PRPSAP1: variants seen among roughly 807,000 people sequenced by gnomAD.
The protein encoded by PRPSAP1 is phosphoribosyl pyrophosphate synthase-associated protein 1.
PRPSAP1 carries 31 observed loss-of-function variants against 39.4 expected under a neutral mutation model. The observed-to-expected ratio is 0.79, with a 90% confidence interval of 0.59 to 1.06. PRPSAP1 has a LOEUF of 1.06. PRPSAP1 is among the 50% of genes least tolerant of loss of function. The pLI is 0.00. For synonymous variants in PRPSAP1, 212 were observed against 192.6 expected (o/e 1.10, Z -0.83); for missense variants, 430 against 511.6 (o/e 0.84, Z 1.54).
At chr17:76,334,843 T>C (rs963733975) in intron 3 of PRPSAP1, among the ~76,000 whole-genome samples, 3 of 152,312 alleles carry the variant, frequency 2.0e-5, no homozygotes, top group African/African-American at 4.8e-5. Context: ...TAATCTTTGG[T>C]AGAATCAAAG....
chr17:76,316,191 A>AAT, intron 7 of PRPSAP1, among the ~76,000 whole-genome samples: 1 of 128,908 alleles, frequency 7.8e-6, no homozygotes, highest in African/African-American at 3.8e-5. Context: ...AAAAAAAAAA[A>AAT]GAAAAAAAAA....
At chr17:76,344,798 A>G (rs2071478235) in intron 2 of PRPSAP1, 61 bp from the exon 3 acceptor site, 1 of 1,356,924 alleles carries the variant, frequency 7.4e-7, no homozygotes, top group South Asian at 1.2e-5. Flanking sequence ...AGGAGAAAAA[A>G]GAAAAACAAA....
At chr17:76,346,566 C>T (rs912487435) in intron 2 of PRPSAP1, among the ~76,000 whole-genome samples, 2 of 152,174 alleles carry the variant, frequency 1.3e-5, no homozygotes, top group African/African-American at 2.4e-5. Flanking sequence ...ACTGAGATGG[C>T]GCCCCTCAAA....
At chr17:76,311,900 G>C (rs1228716432) in intron 9 of PRPSAP1, among the ~76,000 whole-genome samples, 200 bp from the exon 10 acceptor site, 1 of 152,060 alleles carries the variant, frequency 6.6e-6, no homozygotes, top group Non-Finnish European at 1.5e-5. Context: ...CAGAACACAA[G>C]ACAAAAATCT....
chr17:76,348,392 G>A, intron 2 of PRPSAP1, 137 bp downstream of exon 2: 1 of 351,128 alleles, frequency 2.8e-6, no homozygotes, highest in Non-Finnish European at 4.8e-6. Context: ...AGAATTGCTT[G>A]AACCTGGGAG....
Position 76,311,230 on chromosome 17 carries a change from T to C in PRPSAP1, c.*312A>G. The C allele has an allele frequency of 4.9e-6, 1 of 205,212 alleles. No homozygotes were observed. Among genetic ancestry groups the C allele is most frequent in the Admixed American group, 5.8e-5 (1 of 17,286 alleles). 12.7% of individuals were successfully genotyped at this position (205,212 alleles called of 1,614,324 possible). A position where few individuals can be genotyped will look rare whatever the true frequency, so the allele number is the denominator to read the frequency against. ...AACAACTAAATGAACATTATAGAGTTAAGACTTTATGTGCCTTTAACTCCT... is the reference window on the plus strand; with the variant it reads ...AACAACTAAATGAACATTATAGAGTCAAGACTTTATGTGCCTTTAACTCCT... On this transcript the variant is annotated 3_prime_UTR_variant, in exon 10 of 10. Transcript: ENST00000446526.
At chr17:76,336,351 T>C (rs1294835110) in intron 3 of PRPSAP1, among the ~76,000 whole-genome samples, 1 of 151,540 alleles carries the variant, frequency 6.6e-6, no homozygotes, top group Non-Finnish European at 1.5e-5. Context: ...GGCAGAAGAA[T>C]TGCTTGAACC....
chr17:76,351,367 T>C (rs1429143070), intron 1 of PRPSAP1, among the ~76,000 whole-genome samples: 4 of 152,052 alleles, frequency 2.6e-5, no homozygotes, highest in Non-Finnish European at 4.4e-5. Flanking sequence ...TACAAAAAAT[T>C]AGCTGTGCGA....
intron 4 of PRPSAP1, 119 bp downstream of exon 4, chr17:76,332,144 G>T: frequency 1.6e-6 from 2 of 1,286,568 alleles, no homozygotes; most frequent in South Asian, 1.4e-5. Context: ...AGCCAAAACT[G>T]TTCAAAAGGA....
chr17:76,334,303 G>A (rs956360353), intron 3 of PRPSAP1, among the ~76,000 whole-genome samples: 3 of 152,202 alleles, frequency 2.0e-5, no homozygotes, highest in Non-Finnish European at 4.4e-5. Context: ...ACACTGACAC[G>A]TAGGTGATGC....
chr17:76,325,992 A>T (rs76682096), intron 7 of PRPSAP1, among the ~76,000 whole-genome samples: 1,771 of 152,308 alleles, frequency 0.012, 37 homozygotes, highest in African/African-American at 0.04. Context: ...AGCATTTAAC[A>T]GACTACAGTA....
chr17:76,347,696 A>G (rs2143548652), intron 2 of PRPSAP1, among the ~76,000 whole-genome samples: 1 of 152,064 alleles, frequency 6.6e-6, no homozygotes, highest in East Asian at 1.9e-4. Context: ...TTTTAAAAAG[A>G]CTGCTGGCTA....
In PRPSAP1 at chr17:76,311,361, T is replaced by C; in HGVS notation, c.*181A>G. The C allele has an allele frequency of 3.4e-6, 2 of 586,368 alleles. No individual in the cohort carries two copies. The highest frequency in any genetic ancestry group is 5.7e-6 in the Non-Finnish European group (2 of 351,192). The allele number at this position is 586,368 out of a possible 1,614,324, so 36.3% of individuals were successfully genotyped here. ...ATGTAAGGCCATGTTATGATATTTA[T>C]CCATTAGCTCTGTCTTCTTCCTGAC... On this transcript the variant is annotated 3_prime_UTR_variant, in exon 10 of 10. Transcript: ENST00000446526.
intron 4 of PRPSAP1, 67 bp downstream of exon 4, chr17:76,332,196 C>A: frequency 6.4e-7 from 1 of 1,552,934 alleles, no homozygotes; most frequent in South Asian, 1.2e-5. Context: ...GAGGTATGAG[C>A]TAAGTCCAAC....
At chr17:76,344,286 C>T (rs902553733) in intron 3 of PRPSAP1, among the ~76,000 whole-genome samples, 7 of 152,212 alleles carry the variant, frequency 4.6e-5, no homozygotes, top group African/African-American at 1.7e-4. Context: ...CGCCACCACG[C>T]CCGGCTAATT....
chr17:76,319,432 G>A (rs1484692070), intron 7 of PRPSAP1: 4 of 152,066 alleles, frequency 2.6e-5, no homozygotes, highest in Non-Finnish European at 5.9e-5. Context: ...TCACTAAAAA[G>A]TTGGCATACA....
At chr17:76,316,266 G>A (rs73354381) in intron 7 of PRPSAP1, among the ~76,000 whole-genome samples, 1,933 of 151,666 alleles carry the variant, frequency 0.013, 50 homozygotes, top group African/African-American at 0.045. Context: ...AGTTTGATGC[G>A]GAAAACATCA....
intron 7 of PRPSAP1, among the ~76,000 whole-genome samples, chr17:76,323,032 CTAAAA>C (rs2071214331): frequency 6.6e-6 from 1 of 151,430 alleles, no homozygotes; most frequent in Non-Finnish European, 1.5e-5. Context: ...GACCCCGCCT[CTAAAA>C]TAAAATAAAA....
chr17:76,332,198 A>G, intron 4 of PRPSAP1, 65 bp downstream of exon 4: 1 of 1,556,282 alleles, frequency 6.4e-7, no homozygotes, highest in Admixed American at 1.8e-5. Context: ...GGTATGAGCT[A>G]AGTCCAACTA....
Sources: allele counts gnomAD v4.1 joint callset (sites outside exome capture counted in the v4.1 genomes callset), GRCh38; gene constraint gnomAD v4.1.1; transcripts MANE v1.5; gene names NCBI Gene and HGNC (gene_info 2026-07-23, HGNC 2026-07-21).